COL4A6: variants seen among roughly 807,000 people sequenced by gnomAD.
COL4A6 encodes the protein collagen alpha-6(IV) chain.
Under a neutral mutation model 126.7 loss-of-function variants are expected in COL4A6, and 59 were observed. The ratio of observed to expected loss-of-function variants is 0.47; its 90% CI spans 0.38 to 0.58. The LOEUF (loss-of-function observed/expected upper bound fraction) is 0.58. Among genes scored for constraint, COL4A6 ranks in the 20% least tolerant of loss-of-function variants. The pLI, the probability that COL4A6 is intolerant of heterozygous loss-of-function variation, is 0.00. For synonymous variants in COL4A6, 547 were observed against 496.6 expected (o/e 1.10, Z -1.35); for missense variants, 1,285 against 1,337.3 (o/e 0.96, Z 0.61).
intron 5 of COL4A6, among the ~76,000 whole-genome samples, chrX:108,215,006 G>A (rs1025512673): frequency 9.0e-6 from 1 of 111,521 alleles, no homozygotes; most frequent in Admixed American, 9.5e-5. Context: ...CCAATTGTGT[G>A]TTGGGCATGG....
intron 16 of COL4A6, 102 bp from the exon 17 acceptor site, chrX:108,193,799 C>T: frequency 3.2e-6 from 2 of 619,417 alleles, no homozygotes; most frequent in Non-Finnish European, 5.1e-6. Flanking sequence ...AAGGTTCTTC[C>T]TTCTATAACC....
At chrX:108,365,462 G>A (rs759046028) in intron 2 of COL4A6, among the ~76,000 whole-genome samples, 10 of 111,608 alleles carry the variant, frequency 9.0e-5, no homozygotes, top group African/African-American at 3.3e-4. Context: ...ACCCACAGTG[G>A]CTTAAACACA....
At chrX:108,273,601 A>G (rs1472989803) in intron 3 of COL4A6, among the ~76,000 whole-genome samples, 2 of 112,507 alleles carry the variant, frequency 1.8e-5, no homozygotes, top group Non-Finnish European at 3.8e-5. Context: ...TCAATGATAG[A>G]CTGGATTAAG....
At chrX:108,183,894 G>C in intron 23 of COL4A6, 1 of 327,831 alleles carries the variant, frequency 3.1e-6, no homozygotes, top group East Asian at 4.9e-5. Flanking sequence ...ACTTAGTGGA[G>C]AGCACTTGCA....
chrX:108,192,610 TAAAG>T (rs1455784003), intron 17 of COL4A6, 30 bp from the exon 18 acceptor site: 1 of 1,045,189 alleles, frequency 9.6e-7, no homozygotes, highest in Admixed American at 2.5e-5. Context: ...AAATAGTAAA[TAAAG>T]ACAGAGGAGG....
At chrX:108,279,166 C>T (rs984889005) in intron 3 of COL4A6, among the ~76,000 whole-genome samples, 1 of 111,616 alleles carries the variant, frequency 9.0e-6, no homozygotes. Flanking sequence ...TGTAAATGAA[C>T]TAAATGCTCC....
At chrX:108,358,835 C>A (rs143919108) in intron 2 of COL4A6, among the ~76,000 whole-genome samples, 116 of 112,002 alleles carry the variant, frequency 1.0e-3, no homozygotes, top group African/African-American at 3.3e-3. Context: ...TGTCTATAAG[C>A]TGGCAACATA....
At chrX:108,317,602 G>A (rs934687639) in intron 2 of COL4A6, among the ~76,000 whole-genome samples, 18 of 111,504 alleles carry the variant, frequency 1.6e-4, no homozygotes, top group East Asian at 2.8e-4. Flanking sequence ...ATTAATTTTC[G>A]TATAAGGTGT....
chrX:108,375,485 C>T (rs1204003211), intron 2 of COL4A6, among the ~76,000 whole-genome samples: 1 of 110,958 alleles, frequency 9.0e-6, no homozygotes, highest in Non-Finnish European at 1.9e-5. Flanking sequence ...ATGCTACCAA[C>T]CTCTTGTTTT....
intron 36 of COL4A6, 85 bp downstream of exon 36, chrX:108,169,860 A>C: frequency 3.2e-6 from 3 of 943,152 alleles, no homozygotes; most frequent in Non-Finnish European, 4.5e-6. Flanking sequence ...TATGGGATAC[A>C]CCACAGTCGA....
At chrX:108,367,165 A>G (rs146405786) in intron 2 of COL4A6, among the ~76,000 whole-genome samples, 340 of 112,088 alleles carry the variant, frequency 3.0e-3, no homozygotes, top group Non-Finnish European at 4.9e-3. Context: ...TTTCATTACT[A>G]ATTATGTAGG....
At chrX:108,268,397 C>T (rs187030075) in intron 3 of COL4A6, 57 of 112,245 alleles carry the variant, frequency 5.1e-4, no homozygotes, top group African/African-American at 1.8e-3. Context: ...TTTATTAATC[C>T]TCACAACAAC....
intron 2 of COL4A6, among the ~76,000 whole-genome samples, chrX:108,372,883 T>C (rs2040358759): frequency 8.9e-6 from 1 of 112,165 alleles, no homozygotes; most frequent in South Asian, 3.7e-4. Context: ...ATTAGAAAAT[T>C]CTTGTTCAGA....
chrX:108,274,053 T>C (rs1480784366), intron 3 of COL4A6, among the ~76,000 whole-genome samples: 1 of 111,942 alleles, frequency 8.9e-6, no homozygotes, highest in African/African-American at 3.3e-5. Flanking sequence ...TGTGAACATG[T>C]TTTAGCTGGG....
At chrX:108,383,913 C>G in intron 2 of COL4A6, 1 of 626,379 alleles carries the variant, frequency 1.6e-6, no homozygotes, top group African/African-American at 2.2e-5. Flanking sequence ...TCCTCTGGAA[C>G]AACCATGTGA....
intron 2 of COL4A6, among the ~76,000 whole-genome samples, chrX:108,328,740 T>C (rs1421905112): frequency 8.9e-6 from 1 of 112,195 alleles, no homozygotes; most frequent in Non-Finnish European, 1.9e-5. Context: ...GGAAATGAAA[T>C]GATGTTGAAG....
At chrX:108,162,390 G>A (rs1369023114) in intron 41 of COL4A6, among the ~76,000 whole-genome samples, 1 of 106,327 alleles carries the variant, frequency 9.4e-6, no homozygotes, top group African/African-American at 3.4e-5. Context: ...AGGAGGAGGA[G>A]GAAGAAGAAA....
At chrX:108,262,097 G>A (rs2037177652) in intron 3 of COL4A6, among the ~76,000 whole-genome samples, 1 of 111,869 alleles carries the variant, frequency 8.9e-6, no homozygotes, top group Admixed American at 9.4e-5. Flanking sequence ...TTACAAGGCT[G>A]GTGAGGCTGT....
At chrX:108,300,366 C>CTCTCTGTGTG (rs1337028378) in intron 3 of COL4A6, among the ~76,000 whole-genome samples, 2 of 98,168 alleles carry the variant, frequency 2.0e-5, no homozygotes, top group African/African-American at 7.6e-5. Context: ...CTCTCTCTCT[C>CTCTCTGTGTG]TGTGTGTGTG....
Sources: gnomAD v4.1 joint callset for allele counts (sites outside exome capture counted in the v4.1 genomes callset) on GRCh38, gnomAD v4.1.1 for gene constraint, MANE v1.5 for transcripts, NCBI Gene and HGNC (gene_info 2026-07-23, HGNC 2026-07-21) for gene names.